SDK1: variants seen among roughly 807,000 people sequenced by gnomAD.
SDK1 encodes sidekick cell adhesion molecule 1.
In SDK1, 157 loss-of-function variants were observed where a neutral mutation model predicts 245.5. The observed-to-expected ratio is 0.64, with a 90% CI of 0.56 to 0.73. The LOEUF is 0.73. Ranked by LOEUF, SDK1 falls within the 30% of genes least tolerant of loss-of-function variation. The probability of loss-of-function intolerance (pLI) is 0.00; values close to 1 mark genes in which losing one functional copy is unlikely to be tolerated. For missense variants in SDK1, 3,583 were observed against 3,002.3 expected (o/e 1.19, Z -4.52); for synonymous variants, 1,647 against 1,278.5 (o/e 1.29, Z -6.15).
intron 42 of SDK1, among the ~76,000 whole-genome samples, chr7:4,240,621 A>G (rs1362010927): frequency 6.6e-6 from 1 of 152,186 alleles, no homozygotes; most frequent in East Asian, 1.9e-4. Flanking sequence ...ATGCCAACGC[A>G]CTTAGCAAAT....
intron 1 of SDK1, among the ~76,000 whole-genome samples, chr7:3,515,852 AACTAATGAAAAATATTCTTC>A (rs1300595403): frequency 2.0e-5 from 3 of 152,206 alleles, no homozygotes; most frequent in East Asian, 1.9e-4. Context: ...ATTGAAACAA[AACTAATGAAAAATATTCTTC>A]ACTAATGAAA....
At chr7:3,951,617 C>A in intron 6 of SDK1, 113 bp from the exon 7 acceptor site, 1 of 869,192 alleles carries the variant, frequency 1.2e-6, no homozygotes, top group Non-Finnish European at 1.8e-6. Context: ...TTCAACCCAC[C>A]ATGCACCCTG....
intron 1 of SDK1, among the ~76,000 whole-genome samples, chr7:3,542,695 T>C (rs1009369668): frequency 3.3e-5 from 5 of 152,254 alleles, no homozygotes; most frequent in Non-Finnish European, 7.3e-5. Flanking sequence ...ACAGTACTAT[T>C]GTCTCTCTTT....
rs1015852705 is a variant in SDK1 at position 3,624,990 on chromosome 7, G to C, written c.458+5751G>C. On this transcript the variant is annotated intron_variant, in intron 2 of 44. Transcript: ENST00000404826. ...GGAGGCGGAGGTTGCAGTAAGCCAA[G>C]ATCATGCCATTGCACTCCAGCCTGG... Among the ~76,000 whole-genome samples the C allele has an allele frequency of 2.6e-5, 4 of 152,092 alleles. No homozygotes were observed. In the East Asian group the frequency reaches 5.8e-4, roughly 22 times the overall value.
intron 1 of SDK1, among the ~76,000 whole-genome samples, chr7:3,334,989 T>A (rs1780162543): frequency 6.6e-6 from 1 of 152,178 alleles, no homozygotes; most frequent in South Asian, 2.1e-4. Context: ...TTTTTTTTCT[T>A]CTCTAATTTA....
chr7:3,857,623 G>T (rs375766220), intron 5 of SDK1, among the ~76,000 whole-genome samples: 27 of 151,816 alleles, frequency 1.8e-4, no homozygotes, highest in Admixed American at 1.6e-3. Flanking sequence ...GAAGGTCAAG[G>T]CTGCAGTGAT....
rs1019964194 is a variant in SDK1 at position 4,266,075 on chromosome 7, CCCTT to C, written c.*697_*700del. The C allele has an allele frequency of 1.0e-6, 1 of 985,396 alleles. No individual in the cohort carries two copies. The highest frequency in any genetic ancestry group is 6.1e-5 in the Admixed American group (1 of 16,264). The allele number at this position is 985,396 out of a possible 1,614,324, so 61.0% of individuals were successfully genotyped here. A position where few individuals can be genotyped will look rare whatever the true frequency, so the allele number is the denominator to read the frequency against. ...CTCAGGCTTTTCTGCCTGTCTTTCC[CCCTT>C]CCTTCTCACCTGACAGCGAGGGAGA... On this transcript the variant is annotated 3_prime_UTR_variant, in exon 45 of 45. Coordinates refer to ENST00000404826, the MANE Select transcript of SDK1 (RefSeq NM_152744.4).
At chr7:3,710,544 G>A (rs950720481) in intron 4 of SDK1, among the ~76,000 whole-genome samples, 2 of 151,696 alleles carry the variant, frequency 1.3e-5, no homozygotes, top group East Asian at 1.9e-4. Context: ...GCTTGACAGT[G>A]TAGTTTCTCG....
intron 1 of SDK1, among the ~76,000 whole-genome samples, chr7:3,483,236 G>C (rs563841435): frequency 6.6e-6 from 1 of 152,260 alleles, no homozygotes; most frequent in South Asian, 2.1e-4. Context: ...TCTGAATAGA[G>C]TATATCTTTT....
chr7:3,551,573 T>A (rs931096880), intron 1 of SDK1, among the ~76,000 whole-genome samples: 2 of 151,872 alleles, frequency 1.3e-5, no homozygotes, highest in South Asian at 2.1e-4. Flanking sequence ...TTTTTTTTTT[T>A]AATTTTTCTG....
At chr7:3,888,278 CACTTA>C (rs1206033234) in intron 5 of SDK1, among the ~76,000 whole-genome samples, 4 of 152,344 alleles carry the variant, frequency 2.6e-5, no homozygotes, top group African/African-American at 7.2e-5. Flanking sequence ...AACGAGTCAT[CACTTA>C]ACTTGATGCT....
intron 4 of SDK1, among the ~76,000 whole-genome samples, chr7:3,745,278 T>C (rs929300878): frequency 1.3e-5 from 2 of 152,214 alleles, no homozygotes; most frequent in African/African-American, 4.8e-5. Context: ...AGTGAAATCC[T>C]AAAGCATTGC....
chr7:3,957,130 AC>A, intron 7 of SDK1, among the ~76,000 whole-genome samples: 1 of 152,094 alleles, frequency 6.6e-6, no homozygotes, highest in East Asian at 1.9e-4. Flanking sequence ...GAAATGACAA[AC>A]CTACAGAAAC....
chr7:3,783,849 C>G (rs1055153367), intron 4 of SDK1, among the ~76,000 whole-genome samples: 6 of 151,988 alleles, frequency 3.9e-5, no homozygotes, highest in African/African-American at 9.7e-5. Context: ...ATAGAAGAAA[C>G]AATTCTAAAA....
intron 1 of SDK1, among the ~76,000 whole-genome samples, chr7:3,517,687 G>A (rs1050582039): frequency 1.3e-5 from 2 of 152,142 alleles, no homozygotes; most frequent in African/African-American, 4.8e-5. Context: ...CCATTGTTCT[G>A]CTAAGGCTTT....
intron 2 of SDK1, among the ~76,000 whole-genome samples, chr7:3,629,074 C>T (rs561789517): frequency 2.0e-5 from 3 of 151,372 alleles, no homozygotes; most frequent in South Asian, 2.1e-4. Flanking sequence ...GGGCAGATCA[C>T]GAGGTCAGGT....
At chr7:3,618,346 G>C (rs1781832382) in intron 1 of SDK1, among the ~76,000 whole-genome samples, 3 of 152,146 alleles carry the variant, frequency 2.0e-5, no homozygotes. Context: ...CTTAACCTCT[G>C]ACACCATAGA....
chr7:3,355,403 A>T (rs540756905), intron 1 of SDK1, among the ~76,000 whole-genome samples: 1 of 151,940 alleles, frequency 6.6e-6, no homozygotes, highest in Non-Finnish European at 1.5e-5. Context: ...ATGGCCTCCA[A>T]CTCCTGTGCT....
rs374608157 is a variant in SDK1, at chr7:3,990,476, C to T, written c.2131+3154C>T. Among the ~76,000 whole-genome samples the T allele has an allele frequency of 7.7e-4, 118 of 152,346 alleles. 2 individuals carry two copies. In the Middle Eastern group the frequency reaches 0.017, roughly 22 times the overall value. ...GCCAGGGTGTTACTGATTCAGATAA[C>T]TTCTGAGAGTACAGAAGAGTTTCCT... On this transcript the variant is annotated intron_variant, in intron 14 of 44. Coordinates refer to ENST00000404826, the MANE Select transcript of SDK1 (RefSeq NM_152744.4).
Sources: gnomAD v4.1 joint callset for allele counts (sites outside exome capture counted in the v4.1 genomes callset) on GRCh38, gnomAD v4.1.1 for gene constraint, MANE v1.5 for transcripts, NCBI Gene and HGNC (gene_info 2026-07-23, HGNC 2026-07-21) for gene names.